The following GFI1B variants were observed in gnomAD, a reference collection of about 807,000 sequenced individuals.
GFI1B encodes the protein growth factor independent 1B transcriptional repressor.
In GFI1B, 20 loss-of-function variants were observed where a neutral mutation model predicts 35.3. The observed-to-expected ratio is 0.57, with a 90% CI of 0.40 to 0.82. The LOEUF is 0.82. GFI1B is among the 40% of genes least tolerant of loss of function. The pLI is 0.00. For synonymous variants in GFI1B, 178 were observed against 177.6 expected, an observed-to-expected ratio of 1.00 and a Z score of -0.02; for missense variants, 430 against 446.3, an observed-to-expected ratio of 0.96 and a Z score of 0.33.
rs760608066 is a variant in GFI1B, at chr9:132,988,481, G to A, written c.510+13G>A. 25 of 1,611,672 alleles carry A rather than the reference G, an allele frequency of 1.6e-5. No individual in the cohort carries two copies. The East Asian group carries it at 3.6e-4, about 23-fold the overall frequency. On this transcript the variant is annotated intron_variant, in intron 4 of 6. Coordinates refer to ENST00000372122, the MANE Select transcript of GFI1B (RefSeq NM_001377304.1). ...GAAGTGCAACAAGGTGGGCAGCGGG[G>A]GGTGTGGTGGGCACCTGGGCCCTCC...
intron 1 of GFI1B, among the ~76,000 whole-genome samples, chr9:132,953,950 T>TAAATA (rs939204621): frequency 2.6e-5 from 4 of 151,910 alleles, no homozygotes; most frequent in South Asian, 4.1e-4. Context: ...AATAAATAAA[T>TAAATA]AAATAAAATA....
intron 1 of GFI1B, among the ~76,000 whole-genome samples, chr9:132,986,367 C>T (rs1017018963): frequency 7.2e-5 from 11 of 152,190 alleles, no homozygotes; most frequent in African/African-American, 2.6e-4. Context: ...ACGGCGTTCT[C>T]CCTGGGTGTC....
chr9:132,984,940 C>A (rs1462004852), intron 1 of GFI1B, among the ~76,000 whole-genome samples: 1 of 152,192 alleles, frequency 6.6e-6, no homozygotes, highest in South Asian at 2.1e-4. Context: ...TCTCCCACCT[C>A]CCACCCTGCT....
intron 1 of GFI1B, among the ~76,000 whole-genome samples, chr9:132,961,591 A>ATTT (rs1171494542): frequency 4.4e-5 from 6 of 135,178 alleles, no homozygotes; most frequent in African/African-American, 5.5e-5. Context: ...AATACCTCTC[A>ATTT]TTTTTTTTTT....
At chr9:132,947,409 G>A (rs1233817374) in intron 1 of GFI1B, among the ~76,000 whole-genome samples, 25 of 75,706 alleles carry the variant, frequency 3.3e-4, no homozygotes, top group Non-Finnish European at 4.7e-4. Context: ...AAATTTAATC[G>A]AGCAAAAAAA....
chr9:132,987,166 C>A (rs113774797), intron 2 of GFI1B, 116 bp from the exon 3 acceptor site: 1 of 1,142,216 alleles, frequency 8.8e-7, no homozygotes, highest in Non-Finnish European at 1.3e-6. Flanking sequence ...CCAGAAGCAG[C>A]GGCACGTGGC....
rs1322933332 is a variant in GFI1B, at chr9:132,990,936, C to T, written c.879C>T (p.Thr293=). The T allele has an allele frequency of 6.2e-7, 1 of 1,614,216 alleles. No individual in the cohort carries two copies. Among genetic ancestry groups the T allele is most frequent in the South Asian group, 1.1e-5 (1 of 91,090 alleles). Residue 293 remains threonine (T), a synonymous_variant, in exon 7 of 7, where the codon ACC becomes ACT. Transcript: ENST00000372122. ...KAFSQSSNLI[T]HSRKHTGFKP... Reference sequence around the variant, plus strand: ...TCAGCCAGAGCTCCAACCTCATCACCCACAGCCGCAAGCACACAGGCTTCA... The same window carrying T: ...TCAGCCAGAGCTCCAACCTCATCACTCACAGCCGCAAGCACACAGGCTTCA...
intron 1 of GFI1B, among the ~76,000 whole-genome samples, chr9:132,967,763 T>A (rs1305679393): frequency 6.6e-6 from 1 of 152,122 alleles, no homozygotes; most frequent in Non-Finnish European, 1.5e-5. Context: ...TGTGTGTGTG[T>A]GTATGTGTGT....
chr9:132,985,628 G>C (rs1012423443), intron 1 of GFI1B, among the ~76,000 whole-genome samples: 1 of 152,168 alleles, frequency 6.6e-6, no homozygotes, highest in African/African-American at 2.4e-5. Context: ...AGGAGCACGT[G>C]GATTGGCAAT....
rs1647679833 is a variant in GFI1B at position 132,987,314 on chromosome 9, G to A, written c.133G>A (p.Val45Ile). The A allele has an allele frequency of 3.1e-6, 5 of 1,614,088 alleles. No homozygotes were observed. The highest frequency in any genetic ancestry group is 3.3e-5 in the Admixed American group (2 of 60,010). Reference sequence around the variant, plus strand: ...AGACCAGGCTCCAAGCAACAGCCCTGTCCTTAGCACTCTATTCCCAAACCA... The same window carrying A: ...AGACCAGGCTCCAAGCAACAGCCCTATCCTTAGCACTCTATTCCCAAACCA... ...PRDQAPSNSPVLSTLFPNQCL... is the reference protein window; with the variant it reads ...PRDQAPSNSPILSTLFPNQCL... Residue 45 changes from valine to isoleucine, a missense_variant, in exon 3 of 7, where the codon GTC becomes ATC. Coordinates refer to ENST00000372122, the MANE Select transcript of GFI1B (RefSeq NM_001377304.1).
At chr9:132,986,167 G>A (rs1015461178) in intron 1 of GFI1B, among the ~76,000 whole-genome samples, 1 of 152,184 alleles carries the variant, frequency 6.6e-6, no homozygotes, top group Non-Finnish European at 1.5e-5. Context: ...CCAAAATCGA[G>A]GTGTCCGCAA....
At chr9:132,983,786 G>A (rs756908556) in intron 1 of GFI1B, among the ~76,000 whole-genome samples, 8 of 152,200 alleles carry the variant, frequency 5.3e-5, no homozygotes, top group Non-Finnish European at 8.8e-5. Context: ...AGCCCATGCC[G>A]GGCACTGCCC....
At chr9:132,967,810 C>T (rs1848471298) in intron 1 of GFI1B, among the ~76,000 whole-genome samples, 1 of 152,074 alleles carries the variant, frequency 6.6e-6, no homozygotes, top group Non-Finnish European at 1.5e-5. Flanking sequence ...CAGATGGACT[C>T]TTGCTCTGTC....
At chr9:132,969,967 G>A (rs976997601) in intron 1 of GFI1B, among the ~76,000 whole-genome samples, 14 of 152,240 alleles carry the variant, frequency 9.2e-5, no homozygotes, top group South Asian at 6.2e-4. Flanking sequence ...GATGTAAATC[G>A]CGTGCAAATC....
At chr9:132,965,795 G>A (rs900263462) in intron 1 of GFI1B, among the ~76,000 whole-genome samples, 3 of 152,170 alleles carry the variant, frequency 2.0e-5, no homozygotes, top group Non-Finnish European at 4.4e-5. Flanking sequence ...CCGACTTCCA[G>A]CCTCCAGAAT....
intron 1 of GFI1B, among the ~76,000 whole-genome samples, 166 bp from the exon 2 acceptor site, chr9:132,986,493 C>T (rs976848683): frequency 5.3e-5 from 8 of 152,290 alleles, no homozygotes; most frequent in Non-Finnish European, 8.8e-5. Context: ...GCAAAAACAC[C>T]CTATTGCTAA....
At chr9:132,949,046 A>T (rs748155543) in intron 1 of GFI1B, among the ~76,000 whole-genome samples, 3 of 151,876 alleles carry the variant, frequency 2.0e-5, no homozygotes, top group Non-Finnish European at 2.9e-5. Context: ...GGTTTCCCCC[A>T]CTCACTTTTC....
At chr9:132,961,311 G>GAA (rs140595511) in intron 1 of GFI1B, among the ~76,000 whole-genome samples, 1 of 151,420 alleles carries the variant, frequency 6.6e-6, no homozygotes, top group East Asian at 1.9e-4. Context: ...AAAGTCAGAA[G>GAA]ATAAATGATA....
At chr9:132,979,246 C>CTTTTTTTTTTTTTTT (rs34125755) in intron 1 of GFI1B, among the ~76,000 whole-genome samples, 1 of 95,632 alleles carries the variant, frequency 1.0e-5, no homozygotes, top group Admixed American at 1.1e-4. Context: ...TCCTGGGACA[C>CTTTTTTTTTTTTTTT]TTTTTTTTTT....
Sources: allele counts gnomAD v4.1 joint callset (sites outside exome capture counted in the v4.1 genomes callset), GRCh38; gene constraint gnomAD v4.1.1; transcripts MANE v1.5; gene names NCBI Gene and HGNC (gene_info 2026-07-23, HGNC 2026-07-21).